NCALD: variants seen among roughly 807,000 people sequenced by gnomAD.
NCALD encodes neurocalcin delta.
Under a neutral mutation model 18.6 loss-of-function variants are expected in NCALD, and 10 were observed. The ratio of observed to expected loss-of-function variants is 0.54; its 90% CI spans 0.33 to 0.91. The LOEUF (loss-of-function observed/expected upper bound fraction) is 0.91. Among genes scored for constraint, NCALD ranks in the 40% least tolerant of loss-of-function variants. NCALD has a pLI of 0.03. For synonymous variants in NCALD, 88 were observed against 87.4 expected, an observed-to-expected ratio of 1.01 and a Z score of -0.04; for missense variants, 184 against 247.6, an observed-to-expected ratio of 0.74 and a Z score of 1.72.
At chr8:101,772,068 CCT>C (rs1001046116) in intron 1 of NCALD, among the ~76,000 whole-genome samples, 7 of 152,150 alleles carry the variant, frequency 4.6e-5, no homozygotes, top group Non-Finnish European at 8.8e-5. Flanking sequence ...TCTACACACC[CCT>C]GAGACTAGAC....
At chr8:101,851,622 A>T (rs745703103) in intron 4 of NCALD, among the ~76,000 whole-genome samples, 11 of 152,312 alleles carry the variant, frequency 7.2e-5, no homozygotes, top group Admixed American at 1.3e-4. Context: ...ACTGGACCCC[A>T]GCTACTCCAT....
At chr8:101,957,657 T>C (rs145947247) in intron 2 of NCALD, among the ~76,000 whole-genome samples, 1,843 of 152,228 alleles carry the variant, frequency 0.012, 19 homozygotes, top group Non-Finnish European at 0.013. Context: ...GGCTCAACCG[T>C]TGAATCAGAA....
intron 3 of NCALD, chr8:101,690,569 G>C: frequency 1.0e-5 from 10 of 985,338 alleles, no homozygotes; most frequent in Non-Finnish European, 1.2e-5. Context: ...TGACAGGAGG[G>C]GGCCTCCCCC....
intron 1 of NCALD, among the ~76,000 whole-genome samples, chr8:102,107,635 A>C (rs1297288248): frequency 6.6e-6 from 1 of 152,192 alleles, no homozygotes; most frequent in Non-Finnish European, 1.5e-5. Flanking sequence ...CTTTAGAGAC[A>C]GTCCCTTGAG....
chr8:102,007,223 A>G (rs933825088), intron 2 of NCALD, among the ~76,000 whole-genome samples: 3 of 152,246 alleles, frequency 2.0e-5, no homozygotes, highest in African/African-American at 4.8e-5. Flanking sequence ...ACCAATGTTT[A>G]TTTATTAATT....
At chr8:101,805,476 A>C (rs958850526) in intron 4 of NCALD, among the ~76,000 whole-genome samples, 5 of 152,226 alleles carry the variant, frequency 3.3e-5, no homozygotes, top group African/African-American at 1.2e-4. Flanking sequence ...CAAAAATACC[A>C]GGGCTCGTAT....
intron 2 of NCALD, among the ~76,000 whole-genome samples, chr8:101,970,820 A>G (rs181127649): frequency 2.0e-5 from 3 of 152,282 alleles, no homozygotes; most frequent in Non-Finnish European, 1.5e-5. Flanking sequence ...CAGTTTAAAT[A>G]TGGTTTTTCT....
chr8:101,758,184 A>G (rs1586420023), intron 1 of NCALD, among the ~76,000 whole-genome samples: 1 of 152,264 alleles, frequency 6.6e-6, no homozygotes, highest in African/African-American at 2.4e-5. Context: ...CTTCAGTCTA[A>G]TACTACAAAT....
chr8:101,741,634 G>GA (rs11289645), intron 1 of NCALD, among the ~76,000 whole-genome samples: 57 of 148,414 alleles, frequency 3.8e-4, no homozygotes, highest in Non-Finnish European at 6.3e-4. Flanking sequence ...ACAGTGAAAG[G>GA]AAAAAAAAAA....
intron 2 of NCALD, among the ~76,000 whole-genome samples, chr8:101,982,633 G>T (rs1820663268): frequency 6.6e-6 from 1 of 152,120 alleles, no homozygotes; most frequent in Non-Finnish European, 1.5e-5. Flanking sequence ...GAGGTCAGGA[G>T]ATCGAGACGA....
chr8:101,909,196 T>C (rs1349217387), intron 3 of NCALD, among the ~76,000 whole-genome samples: 2 of 152,242 alleles, frequency 1.3e-5, no homozygotes, highest in Admixed American at 6.5e-5. Context: ...TAGAATGAGA[T>C]GGTGCCTGAG....
intron 2 of NCALD, among the ~76,000 whole-genome samples, chr8:101,714,730 C>T (rs1815981911): frequency 6.9e-6 from 1 of 145,492 alleles, no homozygotes. Flanking sequence ...GGCACGGTGG[C>T]TCACGCCTGT....
intron 2 of NCALD, among the ~76,000 whole-genome samples, chr8:101,919,846 C>A (rs1389160843): frequency 2.0e-5 from 3 of 152,238 alleles, no homozygotes; most frequent in Admixed American, 2.0e-4. Flanking sequence ...CATCTCACAC[C>A]AGTTAGAATG....
In NCALD at chr8:101,688,768, G is replaced by T; in HGVS notation, c.*541C>A. 1 of 575,616 alleles carries T rather than the reference G, an allele frequency of 1.7e-6. No individual in the cohort carries two copies. Among genetic ancestry groups the T allele is most frequent in the South Asian group, 1.5e-5 (1 of 65,556 alleles). 35.7% of individuals were successfully genotyped at this position (575,616 alleles called of 1,614,324 possible). A position where few individuals can be genotyped will look rare whatever the true frequency, so the allele number is the denominator to read the frequency against. On this transcript the variant is annotated 3_prime_UTR_variant, in exon 4 of 4. Transcript: ENST00000220931. Reference sequence around the variant, plus strand: ...GTTCACAGCTTAGAAACTACAGCCTGCTGGGGAAGAGAGGGGAGTGGGCCC... The same window carrying T: ...GTTCACAGCTTAGAAACTACAGCCTTCTGGGGAAGAGAGGGGAGTGGGCCC...
intron 2 of NCALD, among the ~76,000 whole-genome samples, chr8:101,948,408 G>A (rs1031040971): frequency 4.6e-5 from 7 of 152,176 alleles, no homozygotes; most frequent in Non-Finnish European, 7.3e-5. Flanking sequence ...TTAGTGGATC[G>A]GAAGAAAAAT....
At chr8:101,867,407 C>A (rs1815818473) in intron 4 of NCALD, among the ~76,000 whole-genome samples, 1 of 152,206 alleles carries the variant, frequency 6.6e-6, no homozygotes, top group African/African-American at 2.4e-5. Context: ...GTGCCTGGTG[C>A]ACAGTAGAAG....
chr8:101,871,154 C>A (rs780445505), intron 4 of NCALD, among the ~76,000 whole-genome samples: 1 of 152,074 alleles, frequency 6.6e-6, no homozygotes, highest in African/African-American at 2.4e-5. Context: ...GTATTCCTGG[C>A]GCAGCTTAAC....
intron 1 of NCALD, among the ~76,000 whole-genome samples, chr8:102,025,887 A>G (rs1822436742): frequency 6.6e-6 from 1 of 152,210 alleles, no homozygotes; most frequent in Admixed American, 6.5e-5. Flanking sequence ...AAGAGGTTTA[A>G]TTGACTCACA....
intron 3 of NCALD, among the ~76,000 whole-genome samples, chr8:101,896,170 T>C (rs1321906989): frequency 1.3e-5 from 2 of 151,746 alleles, no homozygotes; most frequent in Non-Finnish European, 2.9e-5. Flanking sequence ...AACAGAGATA[T>C]AGATCAATGG....
Sources: gnomAD v4.1 joint callset for allele counts (sites outside exome capture counted in the v4.1 genomes callset) on GRCh38, gnomAD v4.1.1 for gene constraint, MANE v1.5 for transcripts, NCBI Gene and HGNC (gene_info 2026-07-23, HGNC 2026-07-21) for gene names.